Variants in ADAMDEC1 observed in about 807,000 individuals in gnomAD.
ADAMDEC1 encodes ADAM DEC1.
Under a neutral mutation model 60.4 loss-of-function variants are expected in ADAMDEC1, and 62 were observed. That is an observed-to-expected ratio of 1.03 (90% CI 0.84 to 1.27). The LOEUF (loss-of-function observed/expected upper bound fraction) is 1.27, where lower values mean the gene tolerates loss of function less well. Among genes scored for constraint, ADAMDEC1 ranks in the 50% most tolerant of loss-of-function variants. The pLI, the probability that ADAMDEC1 is intolerant of heterozygous loss-of-function variation, is 0.00. For synonymous variants in ADAMDEC1, 210 were observed against 195.1 expected (o/e 1.08, Z -0.64); for missense variants, 595 against 565.0 (o/e 1.05, Z -0.54).
chr8:24,393,706 T>C lies in ADAMDEC1; in HGVS notation c.285-363T>C, dbSNP rs547522701. On this transcript the variant is annotated intron_variant, in intron 3 of 13. Transcript: ENST00000256412. ...CAGGGGATGGGGTTCCTCCTAGTTC[T>C]ATAGCAGTTAATAAACTTCTCCCTG... Among the ~76,000 whole-genome samples the C allele has an allele frequency of 2.0e-3, 310 of 152,282 alleles. 1 individual carries two copies. The highest frequency in any genetic ancestry group is 3.6e-3 in the Non-Finnish European group (247 of 68,012).
chr8:24,400,174 A>G lies in ADAMDEC1; in HGVS notation c.1016A>G (p.Lys339Arg). The change falls in exon 11 of 14, where the codon AAA (lysine) becomes AGA (arginine). Residue 339 changes from lysine (K) to arginine (R), a missense_variant. Lys to Arg is a conservative substitution (Grantham distance 26). Transcript: ENST00000256412. ...SPSSVAVIEA[K>R]KKNNVALVGV... Reference sequence around the variant, plus strand: ...AAATATATCTACTTTTTCCAGGCTAAAAAAAAGAATAATGTGGCTCTTGTA... The same window carrying G: ...AAATATATCTACTTTTTCCAGGCTAGAAAAAAGAATAATGTGGCTCTTGTA... 1 of 1,575,404 alleles carries G rather than the reference A, an allele frequency of 6.3e-7. No individual in the cohort carries two copies. The highest frequency in any genetic ancestry group is 8.6e-7 in the Non-Finnish European group (1 of 1,165,872).
chr8:24,385,424 G>C (rs1817267280), intron 1 of ADAMDEC1, among the ~76,000 whole-genome samples: 1 of 151,926 alleles, frequency 6.6e-6, no homozygotes, highest in African/African-American at 2.4e-5. Context: ...CCCAAAAGAA[G>C]GATAAAATGG....
In ADAMDEC1 at chr8:24,393,245, T is replaced by C; in HGVS notation, c.208-17T>C. On this transcript the variant is annotated splice_polypyrimidine_tract_variant and intron_variant, in intron 2 of 13. Coordinates refer to ENST00000256412, the MANE Select transcript of ADAMDEC1 (RefSeq NM_014479.3). ...GCTCAGAAATATAAATTGCTTGATG[T>C]AATTAAATGTTTTCAGGAAAGGTAT... 6.7e-7 allele frequency: 1 copy of C among 1,485,672 alleles called. No homozygotes were observed. Among genetic ancestry groups the C allele is most frequent in the Non-Finnish European group, 9.3e-7 (1 of 1,080,538 alleles). The allele number at this position is 1,485,672 out of a possible 1,614,324, so 92.0% of individuals were successfully genotyped here.
At chr8:24,391,944 C>G (rs557573924) in intron 1 of ADAMDEC1, among the ~76,000 whole-genome samples, 34 of 152,204 alleles carry the variant, frequency 2.2e-4, no homozygotes, top group Admixed American at 5.2e-4. Flanking sequence ...TAGGCTCACA[C>G]AACCCCTGTT....
intron 1 of ADAMDEC1, among the ~76,000 whole-genome samples, chr8:24,389,809 CT>C (rs1817391059): frequency 6.6e-6 from 1 of 152,162 alleles, no homozygotes; most frequent in African/African-American, 2.4e-5. Context: ...CTATCCGGAA[CT>C]CTTTGTTCCT....
intron 7 of ADAMDEC1, 59 bp from the exon 8 acceptor site, chr8:24,398,421 C>T: frequency 1.1e-6 from 1 of 949,968 alleles, no homozygotes; most frequent in Non-Finnish European, 1.6e-6. Context: ...TCTTGTATGC[C>T]ATCAGCTTTC....
intron 1 of ADAMDEC1, among the ~76,000 whole-genome samples, chr8:24,385,504 T>C (rs527643162): frequency 1.3e-5 from 2 of 152,346 alleles, no homozygotes; most frequent in South Asian, 4.1e-4. Context: ...TTCAATTATT[T>C]GATCCATATA....
At chr8:24,403,513 A>G (rs1010030879) in intron 12 of ADAMDEC1, among the ~76,000 whole-genome samples, 1 of 152,218 alleles carries the variant, frequency 6.6e-6, no homozygotes, top group African/African-American at 2.4e-5. Flanking sequence ...TTGCCCTCAA[A>G]TACCATTGAG....
At chr8:24,394,710 A>G (rs1057120074) in intron 4 of ADAMDEC1, among the ~76,000 whole-genome samples, 3 of 152,094 alleles carry the variant, frequency 2.0e-5, no homozygotes, top group Admixed American at 2.0e-4. Context: ...GAGCCATCCT[A>G]CAAGGTACCC....
rs150156030 is a variant in ADAMDEC1, at chr8:24,398,894, T to A, written c.783T>A (p.Val261=). ...LLNVIYNTID[V]QVALVGMEIW... Reference sequence around the variant, plus strand: ...CACAGATATATAACACCATAGATGTTCAAGTGGCCTTGGTAGGTATGGAAA... The same window carrying A: ...CACAGATATATAACACCATAGATGTACAAGTGGCCTTGGTAGGTATGGAAA... The change falls in exon 9 of 14, where the codon GTT becomes GTA. Residue 261 remains valine, a synonymous_variant. Transcript: ENST00000256412. 1 of 1,613,848 alleles carries A rather than the reference T, an allele frequency of 6.2e-7. No homozygotes were observed. The highest frequency in any genetic ancestry group is 1.7e-5 in the Admixed American group (1 of 59,992).
At chr8:24,396,327 G>A (rs1298803594) in intron 5 of ADAMDEC1, among the ~76,000 whole-genome samples, 16 of 152,174 alleles carry the variant, frequency 1.1e-4, no homozygotes, top group Admixed American at 9.2e-4. Flanking sequence ...TGGCTAACAC[G>A]GTGAAACCCC....
chr8:24,401,363 C>T (rs537025803), intron 11 of ADAMDEC1, among the ~76,000 whole-genome samples: 1 of 152,228 alleles, frequency 6.6e-6, no homozygotes, highest in East Asian at 1.9e-4. Flanking sequence ...TTCTTATATT[C>T]CCATCATCAA....
chr8:24,395,691 T>G, intron 4 of ADAMDEC1, 29 bp from the exon 5 acceptor site: 1 of 1,495,396 alleles, frequency 6.7e-7, no homozygotes, highest in Non-Finnish European at 9.3e-7. Flanking sequence ...CACACATTTC[T>G]GAAGCATAAT....
At chr8:24,403,521 G>A (rs1336717394) in intron 12 of ADAMDEC1, among the ~76,000 whole-genome samples, 1 of 152,014 alleles carries the variant, frequency 6.6e-6, no homozygotes. Context: ...AAATACCATT[G>A]AGATTTGATG....
At position 24,397,343 on chromosome 8, in the gene ADAMDEC1, G is replaced by T. The variant is rs200134300; in HGVS notation, c.514G>T (p.Val172Phe). 1.8e-4 allele frequency: 284 copies of T among 1,613,982 alleles called. 2 individuals carry two copies. Among genetic ancestry groups the T allele is most frequent in the Admixed American group, 2.3e-4 (14 of 60,006 alleles). The change falls in exon 6 of 14, where the codon GTC becomes TTC. Residue 172 changes from valine to phenylalanine, a missense_variant. Physicochemically the swap from Val to Phe is conservative, Grantham distance 50. Coordinates refer to ENST00000256412, the MANE Select transcript of ADAMDEC1 (RefSeq NM_014479.3). ...LKSTDEKEHAVFTSNQEEQDP... is the reference protein window; with the variant it reads ...LKSTDEKEHAFFTSNQEEQDP... ...AAGCACAGACGAGAAAGAACATGCC[G>T]TCTTTACATCTAACCAGGAGGAACA...
intron 1 of ADAMDEC1, among the ~76,000 whole-genome samples, chr8:24,388,570 G>A (rs535729380): frequency 2.2e-4 from 34 of 151,724 alleles, no homozygotes; most frequent in Admixed American, 1.6e-3. Flanking sequence ...CTCCTTTACT[G>A]GTTCCTCCTC....
chr8:24,400,344 CT>C (rs201372881), intron 11 of ADAMDEC1, 44 bp downstream of exon 11: 687 of 1,435,924 alleles, frequency 4.8e-4, no homozygotes, highest in Admixed American at 1.3e-3. Context: ...TTTTCCAAAT[CT>C]TTTTTTTTTC....
At chr8:24,402,235 T>A (rs994835318) in intron 12 of ADAMDEC1, 143 bp downstream of exon 12, 1 of 712,002 alleles carries the variant, frequency 1.4e-6, no homozygotes, top group African/African-American at 1.8e-5. Flanking sequence ...TGCTACTGAA[T>A]TTAGTAATCC....
intron 1 of ADAMDEC1, among the ~76,000 whole-genome samples, chr8:24,391,689 G>A (rs1817448924): frequency 6.6e-6 from 1 of 152,122 alleles, no homozygotes; most frequent in African/African-American, 2.4e-5. Flanking sequence ...GGAAAATGCT[G>A]AGAAAAAGCA....
Sources: gnomAD v4.1 joint callset for allele counts (sites outside exome capture counted in the v4.1 genomes callset) on GRCh38, gnomAD v4.1.1 for gene constraint, MANE v1.5 for transcripts, NCBI Gene and HGNC (gene_info 2026-07-23, HGNC 2026-07-21) for gene names.